Variants in CSTPP1 observed in about 807,000 individuals in gnomAD.
CSTPP1 encodes the protein UPF0705 protein C11orf49.
the CSTPP1 span, among the ~76,000 whole-genome samples, chr11:47,039,282 C>T: frequency 7.8e-6 from 1 of 128,114 alleles, no homozygotes; most frequent in Non-Finnish European, 1.9e-5. Flanking sequence ...TGGCGGATCA[C>T]TCGCGGTTAG....
the CSTPP1 span, among the ~76,000 whole-genome samples, chr11:46,951,896 G>C: frequency 6.6e-6 from 1 of 152,044 alleles, no homozygotes; most frequent in East Asian, 1.9e-4. Context: ...ACATCTCCCT[G>C]CTCCCACACC....
chr11:47,102,116 C>T, the CSTPP1 span, among the ~76,000 whole-genome samples: 5 of 152,144 alleles, frequency 3.3e-5, no homozygotes, highest in South Asian at 1.0e-3. Context: ...CCCTAAGGGG[C>T]TTAACAATCT....
chr11:47,027,091 G>T, the CSTPP1 span, among the ~76,000 whole-genome samples: 1 of 152,048 alleles, frequency 6.6e-6, no homozygotes, highest in Non-Finnish European at 1.5e-5. Context: ...AGTGCTCGGC[G>T]CATTGATTTT....
chr11:47,058,896 A>G, the CSTPP1 span, among the ~76,000 whole-genome samples: 1 of 152,228 alleles, frequency 6.6e-6, no homozygotes, highest in East Asian at 1.9e-4. Context: ...CTTGCCCTCA[A>G]GGAGCTCTTA....
chr11:47,061,301 A>G, the CSTPP1 span, among the ~76,000 whole-genome samples: 1 of 152,228 alleles, frequency 6.6e-6, no homozygotes, highest in South Asian at 2.1e-4. Flanking sequence ...TCTAGGAATC[A>G]GGGAATTGCA....
chr11:47,045,479 T>C, the CSTPP1 span, among the ~76,000 whole-genome samples: 1 of 152,206 alleles, frequency 6.6e-6, no homozygotes, highest in Admixed American at 6.5e-5. Context: ...GTGGAGACTT[T>C]AATATGTTTG....
the CSTPP1 span, among the ~76,000 whole-genome samples, chr11:47,045,281 C>CT: frequency 6.6e-6 from 1 of 152,140 alleles, no homozygotes; most frequent in African/African-American, 2.4e-5. Context: ...CAGGCTTTTG[C>CT]TGAAAGAACT....
the CSTPP1 span, among the ~76,000 whole-genome samples, chr11:47,013,125 CAT>C: frequency 2.1e-5 from 3 of 140,148 alleles, no homozygotes; most frequent in African/African-American, 5.5e-5. Flanking sequence ...CATATATAAT[CAT>C]ATAGCATATA....
the CSTPP1 span, among the ~76,000 whole-genome samples, chr11:47,144,946 C>A: frequency 1.3e-5 from 2 of 148,706 alleles, no homozygotes; most frequent in Non-Finnish European, 3.0e-5. Context: ...GGGAAACACA[C>A]GTTGAGAACC....
chr11:47,150,975 C>G, the CSTPP1 span, among the ~76,000 whole-genome samples: 1 of 150,354 alleles, frequency 6.7e-6, no homozygotes, highest in Admixed American at 6.7e-5. Context: ...ACATGGCCAC[C>G]TCCCAGGTTC....
At chr11:47,049,309 A>G in the CSTPP1 span, among the ~76,000 whole-genome samples, 4 of 151,916 alleles carry the variant, frequency 2.6e-5, no homozygotes, top group South Asian at 6.2e-4. Flanking sequence ...TTGGAGAGTT[A>G]TAAAGATAAT....
the CSTPP1 span, among the ~76,000 whole-genome samples, chr11:47,134,435 T>C: frequency 0.98 from 149,954 of 152,270 alleles, 73,882 homozygotes; most frequent in Middle Eastern, 1. Context: ...AGGTGAACTC[T>C]TGCCTTGGCC....
the CSTPP1 span, among the ~76,000 whole-genome samples, chr11:47,116,426 T>A: frequency 6.6e-6 from 1 of 152,142 alleles, no homozygotes; most frequent in Admixed American, 6.5e-5. Flanking sequence ...TGTTAAAGTC[T>A]CCCATTATTA....
At chr11:47,060,931 A>C in the CSTPP1 span, among the ~76,000 whole-genome samples, 1 of 152,346 alleles carries the variant, frequency 6.6e-6, no homozygotes, top group African/African-American at 2.4e-5. Context: ...AGACTACTAC[A>C]ATATAACAGA....
At chr11:47,048,357 C>G in the CSTPP1 span, among the ~76,000 whole-genome samples, 28 of 152,262 alleles carry the variant, frequency 1.8e-4, no homozygotes, top group Middle Eastern at 3.4e-3. Context: ...CAGTGGCTTA[C>G]ACCTGTAATC....
At chr11:47,071,368 C>A in the CSTPP1 span, among the ~76,000 whole-genome samples, 2 of 152,068 alleles carry the variant, frequency 1.3e-5, no homozygotes, top group African/African-American at 4.8e-5. Flanking sequence ...GTTAATTTTT[C>A]CAAGCCTTAG....
At chr11:46,963,210 C>T in the CSTPP1 span, among the ~76,000 whole-genome samples, 35 of 151,914 alleles carry the variant, frequency 2.3e-4, no homozygotes, top group Non-Finnish European at 3.5e-4. Context: ...AGGAGGAAAG[C>T]ACATTTTGTC....
the CSTPP1 span, among the ~76,000 whole-genome samples, chr11:46,958,925 T>G: frequency 6.6e-6 from 1 of 152,208 alleles, no homozygotes; most frequent in Non-Finnish European, 1.5e-5. Flanking sequence ...CCCACCCACA[T>G]TGGTGAAGGT....
the CSTPP1 span, chr11:46,936,970 G>A: frequency 8.0e-7 from 1 of 1,249,056 alleles, no homozygotes; most frequent in Non-Finnish European, 1.0e-6. Context: ...GGGGAGGGGC[G>A]GAGAGGCGGG....
Sources: gnomAD v4.1 joint callset for allele counts (sites outside exome capture counted in the v4.1 genomes callset) on GRCh38, gnomAD v4.1.1 for gene constraint, MANE v1.5 for transcripts, NCBI Gene and HGNC (gene_info 2026-07-23, HGNC 2026-07-21) for gene names.